PLOD2: variants seen among roughly 807,000 people sequenced by gnomAD.
PLOD2 encodes the protein lysine hydroxylase 2.
Under a neutral mutation model 101.0 loss-of-function variants are expected in PLOD2, and 65 were observed. The ratio of observed to expected loss-of-function variants is 0.64; its 90% confidence interval spans 0.53 to 0.79. The LOEUF (loss-of-function observed/expected upper bound fraction) is 0.79, where lower values mean the gene tolerates loss of function less well. PLOD2 is among the 30% of genes least tolerant of loss of function. The pLI is 0.00. For synonymous variants in PLOD2, 314 were observed against 302.9 expected (o/e 1.04, Z -0.38); for missense variants, 909 against 914.6 (o/e 0.99, Z 0.08).
chr3:146,088,542 C>T (rs774942258), intron 9 of PLOD2, 44 bp downstream of exon 9: 1 of 1,363,824 alleles, frequency 7.3e-7, no homozygotes, highest in South Asian at 1.2e-5. Context: ...CAAAAAAGAC[C>T]AAAAATAGTT....
chr3:146,072,341 T>C (rs977872212), intron 17 of PLOD2, among the ~76,000 whole-genome samples: 1 of 151,666 alleles, frequency 6.6e-6, no homozygotes, highest in African/African-American at 2.4e-5. Context: ...TGTAATTACA[T>C]GCATAAATGA....
Position 146,110,274 on chromosome 3 carries a change from A to T in PLOD2, c.502+11T>A. On this transcript the variant is annotated intron_variant, in intron 4 of 19. Transcript: ENST00000282903. The stretch of plus-strand genomic sequence containing the variant: ...ACTTGCATTAAACTTTTCTTCCAGT[A>T]TCTAACTCACCTCCTGAATTCAGAT... 1 of 1,612,108 alleles carries T rather than the reference A, an allele frequency of 6.2e-7. No individual in the cohort carries two copies. Among genetic ancestry groups the T allele is most frequent in the South Asian group, 1.1e-5 (1 of 91,060 alleles).
intron 7 of PLOD2, among the ~76,000 whole-genome samples, chr3:146,099,661 G>A (rs1937316722): frequency 6.6e-6 from 1 of 151,680 alleles, no homozygotes. Flanking sequence ...GCCTCCTAAC[G>A]TGACATGAGG....
intron 1 of PLOD2, among the ~76,000 whole-genome samples, chr3:146,157,013 A>T (rs1315901792): frequency 1.3e-5 from 2 of 152,186 alleles, no homozygotes; most frequent in Non-Finnish European, 2.9e-5. Context: ...CAACCCGTGG[A>T]GAAGGGTTGC....
In PLOD2 at chr3:146,070,695, A is replaced by T; in HGVS notation, c.*22T>A. 1 of 1,538,710 alleles carries T rather than the reference A, an allele frequency of 6.5e-7. No individual in the cohort carries two copies. The highest frequency in any genetic ancestry group is 9.0e-7 in the Non-Finnish European group (1 of 1,115,282). On this transcript the variant is annotated 3_prime_UTR_variant, in exon 20 of 20. Transcript: ENST00000282903. ...CAGTCATTCATCCAAAATAAATTTCAATTCAATGAAAAGTAAATAACTTAG... is the reference window on the plus strand; with the variant it reads ...CAGTCATTCATCCAAAATAAATTTCTATTCAATGAAAAGTAAATAACTTAG...
At chr3:146,132,037 A>C (rs1049239788) in intron 1 of PLOD2, among the ~76,000 whole-genome samples, 1 of 152,178 alleles carries the variant, frequency 6.6e-6, no homozygotes, top group African/African-American at 2.4e-5. Context: ...AGTCACTTCC[A>C]ACCTCTAATG....
chr3:146,099,684 C>T (rs1212301362), intron 7 of PLOD2, among the ~76,000 whole-genome samples: 1 of 151,936 alleles, frequency 6.6e-6, no homozygotes, highest in African/African-American at 2.4e-5. Flanking sequence ...TGAACCACCG[C>T]ACCAGCCTAA....
chr3:146,152,154 C>T (rs1489075660), intron 1 of PLOD2, among the ~76,000 whole-genome samples: 2 of 152,198 alleles, frequency 1.3e-5, no homozygotes, highest in Non-Finnish European at 2.9e-5. Flanking sequence ...TGCAGTGGCT[C>T]ATGCCTGTAA....
chr3:146,081,967 C>T (rs960792907), intron 11 of PLOD2, 104 bp from the exon 12 acceptor site: 1 of 908,752 alleles, frequency 1.1e-6, no homozygotes, highest in Non-Finnish European at 1.6e-6. Context: ...ACATATAACA[C>T]AAGAAAGCTC....
intron 7 of PLOD2, among the ~76,000 whole-genome samples, chr3:146,099,050 A>G (rs1290482277): frequency 2.0e-5 from 3 of 152,212 alleles, no homozygotes; most frequent in Non-Finnish European, 1.5e-5. Context: ...TATAATATCT[A>G]TAATAAAACT....
intron 9 of PLOD2, 51 bp downstream of exon 9, chr3:146,088,535 A>C (rs749778067): frequency 7.6e-7 from 1 of 1,323,348 alleles, no homozygotes. Flanking sequence ...ATAGTTCCAA[A>C]AAAGACCAAA....
intron 5 of PLOD2, among the ~76,000 whole-genome samples, chr3:146,106,244 T>C (rs1370541496): frequency 6.6e-6 from 1 of 152,192 alleles, no homozygotes; most frequent in East Asian, 1.9e-4. Flanking sequence ...CATATAGCAC[T>C]GCATTATATA....
chr3:146,142,862 A>G lies in PLOD2; in HGVS notation c.109+18019T>C, dbSNP rs566650808. Among the ~76,000 whole-genome samples the G allele has an allele frequency of 3.3e-3, 497 of 152,268 alleles. 1 individual carries two copies. The highest frequency in any genetic ancestry group is 0.011 in the African/African-American group (476 of 41,560). ...AACCAAATACACTTGATGCCTTGGTACAAACCAAAGCTGACTCAGGGACTC... is the reference window on the plus strand; with the variant it reads ...AACCAAATACACTTGATGCCTTGGTGCAAACCAAAGCTGACTCAGGGACTC... On this transcript the variant is annotated intron_variant, in intron 1 of 19. Coordinates refer to ENST00000282903, the MANE Select transcript of PLOD2 (RefSeq NM_182943.3).
At chr3:146,094,684 T>C (rs569126316) in intron 7 of PLOD2, among the ~76,000 whole-genome samples, 10 of 152,296 alleles carry the variant, frequency 6.6e-5, no homozygotes, top group Admixed American at 5.2e-4. Flanking sequence ...CCCATCAAGC[T>C]ACCATTGACT....
intron 3 of PLOD2, among the ~76,000 whole-genome samples, chr3:146,112,685 TA>T (rs1937699226): frequency 6.6e-6 from 1 of 152,058 alleles, no homozygotes; most frequent in South Asian, 2.1e-4. Flanking sequence ...AACCCATCTC[TA>T]CTAAAAATAC....
chr3:146,104,115 T>A (rs1244375845), intron 6 of PLOD2, among the ~76,000 whole-genome samples, 164 bp downstream of exon 6: 1 of 152,246 alleles, frequency 6.6e-6, no homozygotes, highest in Non-Finnish European at 1.5e-5. Flanking sequence ...TTTAATGTAC[T>A]GATGTTAAGT....
intron 7 of PLOD2, among the ~76,000 whole-genome samples, chr3:146,101,964 C>A (rs754769217): frequency 4.5e-4 from 68 of 152,158 alleles, no homozygotes; most frequent in Non-Finnish European, 1.3e-4. Context: ...TGCCAGCATG[C>A]GTTTTCCTTG....
At chr3:146,146,620 A>T (rs562050195) in intron 1 of PLOD2, among the ~76,000 whole-genome samples, 1 of 152,314 alleles carries the variant, frequency 6.6e-6, no homozygotes, top group South Asian at 2.1e-4. Context: ...TCACTGCCTC[A>T]TGGGCATAAG....
At chr3:146,088,307 T>A (rs1442910000) in intron 9 of PLOD2, among the ~76,000 whole-genome samples, 1 of 151,664 alleles carries the variant, frequency 6.6e-6, no homozygotes, top group African/African-American at 2.4e-5. Flanking sequence ...GCCCTTTGAA[T>A]CTCCTTGATT....
Sources: gnomAD v4.1 joint callset for allele counts (sites outside exome capture counted in the v4.1 genomes callset) on GRCh38, gnomAD v4.1.1 for gene constraint, MANE v1.5 for transcripts, NCBI Gene and HGNC (gene_info 2026-07-23, HGNC 2026-07-21) for gene names.